The following MAMSTR variants were observed in gnomAD, a reference collection of about 807,000 sequenced individuals.
MAMSTR encodes MEF2-activating motif and SAP domain-containing transcriptional regulator.
A neutral mutation model predicts 42.7 loss-of-function variants in MAMSTR; 41 were observed. That is an observed-to-expected ratio of 0.96 (90% CI 0.75 to 1.25). The LOEUF is 1.25. MAMSTR is among the 50% of genes most tolerant of loss of function. The probability of loss-of-function intolerance (pLI) is 0.00; values close to 1 mark genes in which losing one functional copy is unlikely to be tolerated. For missense variants in MAMSTR, 567 were observed against 557.6 expected, an observed-to-expected ratio of 1.02 and a Z score of -0.17; for synonymous variants, 265 against 244.1, an observed-to-expected ratio of 1.09 and a Z score of -0.80.
At chr19:48,707,887 G>GAAAGAAAGA (rs1568464082), downstream of MAMSTR, among the ~76,000 whole-genome samples, 1 of 75,282 alleles carries the variant, frequency 1.3e-5, no homozygotes, top group African/African-American at 6.0e-5. Flanking sequence ...AAGAAAGAAA[G>GAAAGAAAGA]AAAAGAAAGA....
At chr19:48,709,552 G>A (rs1568464465), downstream of MAMSTR, among the ~76,000 whole-genome samples, 1 of 152,228 alleles carries the variant, frequency 6.6e-6, no homozygotes, top group Non-Finnish European at 1.5e-5. Flanking sequence ...CAGCTTGTGT[G>A]CTTGGTGTAT....
rs781257604 is a variant in MAMSTR at position 48,713,395 on chromosome 19, C to T, written c.1120G>A (p.Asp374Asn). Residue 374 changes from aspartate to asparagine, a missense_variant, in exon 10 of 10, where the codon GAC becomes AAC. By Grantham distance (23) the Asp-to-Asn change is conservative (BLOSUM62 1). Transcript: ENST00000318083. ...PSPRDPTDSL[D>N]WLEALSGGPP... ...CCCCCGCTCAGGGCCTCCAGCCAGTCCAGGGAGTCCGTGGGGTCCCTGGGA... is the reference window on the plus strand; with the variant it reads ...CCCCCGCTCAGGGCCTCCAGCCAGTTCAGGGAGTCCGTGGGGTCCCTGGGA... The T allele has an allele frequency of 1.2e-6, 2 of 1,613,134 alleles. No individual in the cohort carries two copies. The highest frequency in any genetic ancestry group is 8.5e-7 in the Non-Finnish European group (1 of 1,179,754).
downstream of MAMSTR, among the ~76,000 whole-genome samples, chr19:48,712,438 T>C (rs1192885950): frequency 2.6e-5 from 4 of 151,596 alleles, no homozygotes; most frequent in South Asian, 2.1e-4. Flanking sequence ...TTTTTTTTTT[T>C]AAGATGGAGT....
chr19:48,714,923 G>A lies in MAMSTR; in HGVS notation c.426-15C>T. The A allele has an allele frequency of 6.5e-7, 1 of 1,548,794 alleles. No homozygotes were observed. ...AGGGCTTCATCCTGGTGATAATCGT[G>A]AGGGGCGAACAAAGGTTAGAGAGGT... On this transcript the variant is annotated splice_polypyrimidine_tract_variant and intron_variant, in intron 5 of 9. Transcript: ENST00000318083.
chr19:48,713,598 G>A (rs2032823408), intron 9 of MAMSTR, 48 bp from the exon 10 acceptor site: 1 of 1,599,176 alleles, frequency 6.3e-7, no homozygotes, highest in Non-Finnish European at 8.5e-7. Flanking sequence ...AGGGGTCCGG[G>A]CGCCAGCCCC....
intron 2 of MAMSTR, among the ~76,000 whole-genome samples, chr19:48,717,304 T>C (rs987459775): frequency 1.3e-5 from 2 of 151,908 alleles, no homozygotes; most frequent in East Asian, 3.8e-4. Context: ...TGTTTTTTTT[T>C]CCTTTTTTTA....
At chr19:48,714,631 G>T in intron 6 of MAMSTR, 71 bp from the exon 7 acceptor site, 3 of 1,422,704 alleles carry the variant, frequency 2.1e-6, no homozygotes, top group South Asian at 1.3e-5. Context: ...AGCTGGACAG[G>T]ATATTTGGAA....
chr19:48,705,731 T>G, the MAMSTR span: 1 of 166,894 alleles, frequency 6.0e-6, no homozygotes, highest in African/African-American at 2.4e-5. Flanking sequence ...AAGGAATAAT[T>G]TTTTTTAATC....
At chr19:48,712,046 G>A (rs111336689), downstream of MAMSTR, among the ~76,000 whole-genome samples, 47 of 152,200 alleles carry the variant, frequency 3.1e-4, 1 homozygote, top group African/African-American at 1.1e-3. Flanking sequence ...GTGAGCCACC[G>A]TGCCCGGCCC....
chr19:48,715,589 C>T, intron 4 of MAMSTR, 36 bp downstream of exon 4: 2 of 1,513,934 alleles, frequency 1.3e-6, no homozygotes, highest in African/African-American at 1.4e-5. Context: ...AAAGACTAGG[C>T]TCTCAGAGGG....
Position 48,713,438 on chromosome 19 carries a change from C to A in MAMSTR, c.1077G>T (p.Thr359=). The A allele has an allele frequency of 1.2e-6, 2 of 1,612,416 alleles. No homozygotes were observed. The highest frequency in any genetic ancestry group is 1.7e-6 in the Non-Finnish European group (2 of 1,179,504). The change falls in exon 10 of 10, where the codon ACG becomes ACT. Residue 359 remains threonine, a synonymous_variant. Transcript: ENST00000318083. Reference sequence around the variant, plus strand: ...CCCTGGGAGAAGGGGAGGAGGAGTTCGTGGGAGACGGGAGTGAAGAGGAGA... The same window carrying A: ...CCCTGGGAGAAGGGGAGGAGGAGTTAGTGGGAGACGGGAGTGAAGAGGAGA... ...SVFSSSLPSP[T]NSSSPSPRDP...
Position 48,714,559 on chromosome 19 carries a change from A to G in MAMSTR, c.530T>C (p.Val177Ala). ...GCGCAGCTGCTGCCGGAGCTCTGAG[A>G]CCTGGGGAGGGGCGGGGCGTGGGAA... ...LQTLKLEELTVSELRQQLRLR... is the reference protein window; with the variant it reads ...LQTLKLEELTASELRQQLRLR... The change falls in exon 7 of 10, where the codon GTC (valine) becomes GCC (alanine). Residue 177 changes from valine (V) to alanine (A), a missense_variant and splice_region_variant. Coordinates refer to ENST00000318083, the MANE Select transcript of MAMSTR (RefSeq NM_001130915.2). 6.8e-7 allele frequency: 1 copy of G among 1,466,466 alleles called. No individual in the cohort carries two copies. Among genetic ancestry groups the G allele is most frequent in the Non-Finnish European group, 8.9e-7 (1 of 1,122,168 alleles). 90.8% of individuals were successfully genotyped at this position (1,466,466 alleles called of 1,614,324 possible). A position where few individuals can be genotyped will look rare whatever the true frequency, so the allele number is the denominator to read the frequency against.
downstream of MAMSTR, among the ~76,000 whole-genome samples, chr19:48,707,897 A>G (rs78736419): frequency 0.056 from 4,117 of 73,564 alleles, 105 homozygotes; most frequent in Middle Eastern, 0.17. Flanking sequence ...GAAAAGAAAG[A>G]AAGAAAGGAA....
chr19:48,706,955 G>T, the MAMSTR span, among the ~76,000 whole-genome samples: 1 of 151,942 alleles, frequency 6.6e-6, no homozygotes, highest in African/African-American at 2.4e-5. Flanking sequence ...AACTAACTGG[G>T]TATAGTGGAA....
chr19:48,710,727 G>T (rs2032710162), downstream of MAMSTR, among the ~76,000 whole-genome samples: 2 of 151,620 alleles, frequency 1.3e-5, no homozygotes, highest in African/African-American at 4.9e-5. Flanking sequence ...CTCCTGAGTA[G>T]CTGGGATTAA....
chr19:48,714,858 G>C lies in MAMSTR; in HGVS notation c.476C>G (p.Ser159Trp). 6.2e-7 allele frequency: 1 copy of C among 1,612,608 alleles called. No homozygotes were observed. The highest frequency in any genetic ancestry group is 8.5e-7 in the Non-Finnish European group (1 of 1,178,928). ...TPCPPGVPSPSPPPHKLELQT... is the reference protein window; with the variant it reads ...TPCPPGVPSPWPPPHKLELQT... The stretch of plus-strand genomic sequence containing the variant: ...AAGTTCCAACTTGTGTGGGGGGGGC[G>C]AGGGGCTAGGGACTCCTGGTGGGCA... Residue 159 changes from serine (S) to tryptophan (W), a missense_variant, in exon 6 of 10, where the codon TCG becomes TGG. Ser to Trp is a radical substitution (Grantham distance 177). Coordinates refer to ENST00000318083, the MANE Select transcript of MAMSTR (RefSeq NM_001130915.2).
At chr19:48,707,054 C>T in the MAMSTR span, among the ~76,000 whole-genome samples, 45 of 152,060 alleles carry the variant, frequency 3.0e-4, no homozygotes, top group Non-Finnish European at 6.0e-4. Flanking sequence ...CACAATCACA[C>T]CTGTGCATAG....
chr19:48,711,937 AGGGTTTCACC>A (rs5828359), downstream of MAMSTR, among the ~76,000 whole-genome samples: 112,011 of 150,444 alleles, frequency 0.74, 43,898 homozygotes, highest in Middle Eastern at 0.87. Flanking sequence ...TAGTAGAGAC[AGGGTTTCACC>A]GGGTTTCACC....
At position 48,714,423 on chromosome 19, in the gene MAMSTR, A is replaced by T; in HGVS notation, c.666T>A (p.Gly222=). 1 of 1,379,744 alleles carries T rather than the reference A, an allele frequency of 7.2e-7. No individual in the cohort carries two copies. The highest frequency in any genetic ancestry group is 9.3e-7 in the Non-Finnish European group (1 of 1,077,776). The allele number at this position is 1,379,744 out of a possible 1,614,324, so 85.5% of individuals were successfully genotyped here. The change falls in exon 7 of 10, where the codon GGT becomes GGA. Residue 222 remains glycine (G), a synonymous_variant. Transcript: ENST00000318083. The part of the protein sequence containing the change: ...PKPRREDSPA[G]APWPRLKPKA... ...TGGGCTTGAGGCGCGGCCAGGGAGC[A>T]CCCGCGGGACTGTCCTCGCGCCGCG...
Sources: gnomAD v4.1 joint callset for allele counts (sites outside exome capture counted in the v4.1 genomes callset) on GRCh38, gnomAD v4.1.1 for gene constraint, MANE v1.5 for transcripts, NCBI Gene and HGNC (gene_info 2026-07-23, HGNC 2026-07-21) for gene names.